The following PAPSS1 variants were observed in gnomAD, a reference collection of about 807,000 sequenced individuals.
PAPSS1 encodes the protein 3'-phosphoadenosine 5'-phosphosulfate synthase 1.
A neutral mutation model predicts 72.0 loss-of-function variants in PAPSS1; 50 were observed. The ratio of observed to expected loss-of-function variants is 0.69; its 90% CI spans 0.55 to 0.88. The LOEUF (loss-of-function observed/expected upper bound fraction) is 0.88, where lower values mean the gene tolerates loss of function less well. Among genes scored for constraint, PAPSS1 ranks in the 40% least tolerant of loss-of-function variants. PAPSS1 has a pLI of 0.00. For missense variants in PAPSS1, 657 were observed against 782.2 expected, an observed-to-expected ratio of 0.84 and a Z score of 1.91; for synonymous variants, 261 against 263.6, an observed-to-expected ratio of 0.99 and a Z score of 0.09.
At chr4:107,695,491 T>C (rs1723044090) in intron 2 of PAPSS1, among the ~76,000 whole-genome samples, 1 of 152,174 alleles carries the variant, frequency 6.6e-6, no homozygotes, top group Non-Finnish European at 1.5e-5. Flanking sequence ...TTTCTTTTTC[T>C]TGCCTGATCG....
intron 11 of PAPSS1, among the ~76,000 whole-genome samples, chr4:107,620,470 T>C (rs1302095070): frequency 1.3e-5 from 2 of 152,218 alleles, no homozygotes; most frequent in African/African-American, 2.4e-5. Flanking sequence ...AATTGAATTA[T>C]CTAAAATCTA....
At chr4:107,684,821 C>T (rs181710216) in intron 4 of PAPSS1, among the ~76,000 whole-genome samples, 98 of 152,318 alleles carry the variant, frequency 6.4e-4, no homozygotes, top group Middle Eastern at 3.4e-3. Context: ...TGTGCCTCAA[C>T]GACCTTGGGC....
At chr4:107,712,368 T>C (rs1396544144) in intron 1 of PAPSS1, among the ~76,000 whole-genome samples, 2 of 152,198 alleles carry the variant, frequency 1.3e-5, no homozygotes, top group East Asian at 1.9e-4. Context: ...ACAGACCCTG[T>C]CTCCTAACAC....
chr4:107,662,623 T>C (rs931469358), intron 5 of PAPSS1, among the ~76,000 whole-genome samples: 6 of 152,034 alleles, frequency 3.9e-5, no homozygotes, highest in Middle Eastern at 3.2e-3. Flanking sequence ...GGACTCTTCC[T>C]TAAATCTAGC....
intron 1 of PAPSS1, among the ~76,000 whole-genome samples, chr4:107,705,537 A>G (rs1723318739): frequency 6.6e-6 from 1 of 152,226 alleles, no homozygotes; most frequent in Non-Finnish European, 1.5e-5. Context: ...TTTTCTTTAT[A>G]GTTTACCTGG....
chr4:107,621,167 C>G (rs889769843), intron 11 of PAPSS1, among the ~76,000 whole-genome samples: 1 of 152,128 alleles, frequency 6.6e-6, no homozygotes, highest in African/African-American at 2.4e-5. Context: ...GAAGCCTCTT[C>G]CAGAGTAGGG....
intron 5 of PAPSS1, among the ~76,000 whole-genome samples, chr4:107,667,168 A>G (rs887017063): frequency 6.6e-6 from 1 of 152,210 alleles, no homozygotes; most frequent in South Asian, 2.1e-4. Flanking sequence ...TAAAGCCTAC[A>G]TAAAAACTTC....
intron 5 of PAPSS1, among the ~76,000 whole-genome samples, chr4:107,674,779 G>A (rs961469712): frequency 5.9e-5 from 9 of 151,878 alleles, no homozygotes; most frequent in Non-Finnish European, 1.2e-4. Context: ...CCACATAGTT[G>A]GAAGTAAAGC....
Position 107,614,062 on chromosome 4 carries a change from C to A in PAPSS1, c.*187G>T. ...ATAAGTGGAAAAGATACATTAAAAC[C>A]ATCAGTGTGTTACACTTGTTCAAAA... On this transcript the variant is annotated 3_prime_UTR_variant, in exon 12 of 12. Transcript: ENST00000265174. 2 of 430,900 alleles carry A rather than the reference C, an allele frequency of 4.6e-6. No homozygotes were observed. The highest frequency in any genetic ancestry group is 1.4e-4 in the South Asian group (2 of 14,220). The allele number at this position is 430,900 out of a possible 1,614,324, so 26.7% of individuals were successfully genotyped here. A position where few individuals can be genotyped will look rare whatever the true frequency, so the allele number is the denominator to read the frequency against.
intron 9 of PAPSS1, among the ~76,000 whole-genome samples, chr4:107,650,514 G>C (rs761047861): frequency 5.9e-5 from 9 of 152,280 alleles, no homozygotes; most frequent in Non-Finnish European, 1.0e-4. Context: ...ACTAACATCA[G>C]TTCCAGATAT....
intron 10 of PAPSS1, among the ~76,000 whole-genome samples, chr4:107,641,574 G>A (rs1279623980): frequency 1.3e-5 from 2 of 152,186 alleles, no homozygotes; most frequent in South Asian, 2.1e-4. Flanking sequence ...GGTAAAACAA[G>A]AATAAAACCT....
intron 2 of PAPSS1, among the ~76,000 whole-genome samples, chr4:107,698,375 A>G (rs899448585): frequency 3.9e-5 from 6 of 152,344 alleles, no homozygotes; most frequent in Non-Finnish European, 8.8e-5. Flanking sequence ...ATTATACAGA[A>G]TACTGCACAC....
chr4:107,715,316 T>G lies in PAPSS1; in HGVS notation c.60+4804A>C, dbSNP rs535767769. Among the ~76,000 whole-genome samples the G allele has an allele frequency of 1.1e-3, 166 of 152,324 alleles. 1 individual carries two copies. Among genetic ancestry groups the G allele is most frequent in the African/African-American group, 3.6e-3 (151 of 41,574 alleles). On this transcript the variant is annotated intron_variant, in intron 1 of 11. Transcript: ENST00000265174. ...TTATTGGTAGAAGTTTAAGCTTCCC[T>G]TTTCATCAGGCAATTTTTTTAGTAT...
At chr4:107,668,104 T>C (rs1560577965) in intron 5 of PAPSS1, among the ~76,000 whole-genome samples, 1 of 151,978 alleles carries the variant, frequency 6.6e-6, no homozygotes, top group Non-Finnish European at 1.5e-5. Flanking sequence ...AAACTAGAAA[T>C]GGAAAGAATC....
chr4:107,624,316 T>A (rs1187055154), intron 11 of PAPSS1, among the ~76,000 whole-genome samples: 13 of 152,230 alleles, frequency 8.5e-5, no homozygotes, highest in Non-Finnish European at 2.9e-5. Flanking sequence ...CTAACTGCGT[T>A]TCCCACAGTC....
At chr4:107,650,226 G>A (rs1022579220) in intron 9 of PAPSS1, among the ~76,000 whole-genome samples, 1 of 152,162 alleles carries the variant, frequency 6.6e-6, no homozygotes, top group African/African-American at 2.4e-5. Context: ...GAGTGAACAA[G>A]AACTACAAAG....
chr4:107,694,315 A>C (rs532050725), intron 2 of PAPSS1: 129 of 309,880 alleles, frequency 4.2e-4, no homozygotes, highest in African/African-American at 2.5e-3. Context: ...AATTGCAATC[A>C]CAGGATTAAA....
At chr4:107,715,325 G>C (rs1723605284) in intron 1 of PAPSS1, among the ~76,000 whole-genome samples, 1 of 152,132 alleles carries the variant, frequency 6.6e-6, no homozygotes, top group Admixed American at 6.6e-5. Flanking sequence ...CTTTTCATCA[G>C]GCAATTTTTT....
intron 5 of PAPSS1, among the ~76,000 whole-genome samples, chr4:107,662,056 T>TA (rs1231627806): frequency 1.3e-5 from 2 of 151,896 alleles, no homozygotes; most frequent in Non-Finnish European, 2.9e-5. Flanking sequence ...TTCTAATAAT[T>TA]AAAAAAATAA....
Sources: gnomAD v4.1 joint callset for allele counts (sites outside exome capture counted in the v4.1 genomes callset) on GRCh38, gnomAD v4.1.1 for gene constraint, MANE v1.5 for transcripts, NCBI Gene and HGNC (gene_info 2026-07-23, HGNC 2026-07-21) for gene names.